Variants in SRCAP observed in about 807,000 individuals in gnomAD.
SRCAP encodes the protein Snf2 related CREBBP activator protein, also known as chromatin remodeling protein SRCAP.
Under a neutral mutation model 263.1 loss-of-function variants are expected in SRCAP, and 46 were observed. That is an observed-to-expected ratio of 0.17 (90% CI 0.14 to 0.22). The LOEUF is 0.22. SRCAP is among the 10% of genes least tolerant of loss of function. The pLI, the probability that SRCAP is intolerant of heterozygous loss-of-function variation, is 1.00. For missense variants in SRCAP, 3,695 were observed against 4,181.9 expected (o/e 0.88, Z 3.21); for synonymous variants, 1,813 against 1,662.1 (o/e 1.09, Z -2.21).
At position 30,733,499 on chromosome 16, in the gene SRCAP, C is replaced by A; in HGVS notation, c.6297+50C>A. ...AGAGGCTCACCTCCGCTTCTCTCTCCTTTTCCCAGGATTTGGGCTTCCAGA... is the reference window on the plus strand; with the variant it reads ...AGAGGCTCACCTCCGCTTCTCTCTCATTTTCCCAGGATTTGGGCTTCCAGA... On this transcript the variant is annotated intron_variant, in intron 28 of 33. Transcript: ENST00000262518. The surrounding 1 kb of genome is among the most constrained non-coding windows in gnomAD (Gnocchi z 5.3). 1 of 1,609,924 alleles carries A rather than the reference C, an allele frequency of 6.2e-7. No individual in the cohort carries two copies.
chr16:30,706,069 T>G (rs2052824240), intron 4 of SRCAP, among the ~76,000 whole-genome samples: 1 of 152,190 alleles, frequency 6.6e-6, no homozygotes, highest in Non-Finnish European at 1.5e-5. Context: ...ATCCACGTCT[T>G]TCTTGATGTT....
intron 24 of SRCAP, 42 bp downstream of exon 24, chr16:30,723,271 G>C: frequency 6.4e-7 from 1 of 1,562,264 alleles, no homozygotes; most frequent in Non-Finnish European, 8.7e-7. Context: ...TGCCAGGAAT[G>C]GAGACGAGAT....
Position 30,739,603 on chromosome 16 carries a change from G to GCCGA in SRCAP, c.9565_9568dup (p.Arg3190ProfsTer34). 1 of 1,595,554 alleles carries GCCGA rather than the reference G, an allele frequency of 6.3e-7. No homozygotes were observed. Among genetic ancestry groups the GCCGA allele is most frequent in the African/African-American group, 1.3e-5 (1 of 74,522 alleles). On this transcript the variant is annotated frameshift_variant, in exon 34 of 34. Transcript: ENST00000262518. ...GAGGAGGAAGGGGATGGGACCCCACGCCGACGTCCTGGCCCCCGCCGGCTT... is the reference window on the plus strand; with the variant it reads ...GAGGAGGAAGGGGATGGGACCCCACGCCGACCGACGTCCTGGCCCCCGCCGGCTT...
At chr16:30,706,775 T>C (rs143657782) in intron 4 of SRCAP, among the ~76,000 whole-genome samples, 13 of 152,142 alleles carry the variant, frequency 8.5e-5, no homozygotes, top group Non-Finnish European at 1.5e-4. Flanking sequence ...GTATCTAGAA[T>C]CAAGAGGGAA....
In SRCAP at chr16:30,704,219, C is replaced by T. The variant is rs1161237874; in HGVS notation, c.210C>T (p.Pro70=). 4 of 1,614,138 alleles carry T rather than the reference C, an allele frequency of 2.5e-6. No homozygotes were observed. The highest frequency in any genetic ancestry group is 3.3e-4 in the Middle Eastern group (2 of 6,062). The change falls in exon 4 of 34, where the codon CCC becomes CCT. Residue 70 remains proline, a synonymous_variant. Transcript: ENST00000262518. Reference sequence around the variant, plus strand: ...GCCCCCCAGATGGTGCCACAGTGCCCCTGGAGGGGTTCAGCTTATCCCAGG... The same window carrying T: ...GCCCCCCAGATGGTGCCACAGTGCCTCTGGAGGGGTTCAGCTTATCCCAGG... ...PPGPPDGATV[P]LEGFSLSQAA... is the part of the protein sequence containing the mutation.
rs1380041850 is a variant in SRCAP at position 30,709,538 on chromosome 16, G to T, written c.659G>T (p.Arg220Leu). The T allele has an allele frequency of 6.2e-7, 1 of 1,613,998 alleles. No homozygotes were observed. The highest frequency in any genetic ancestry group is 1.7e-5 in the Admixed American group (1 of 59,996). Residue 220 changes from arginine to leucine, a missense_variant, in exon 7 of 34, where the codon CGG becomes CTG. Physicochemically the swap from Arg to Leu is moderately radical, Grantham distance 102. Transcript: ENST00000262518. ...EKVVQFKQQS[R>L]LEEKRKKALD... ...GTGGTGCAATTCAAGCAACAGTCCC[G>T]GCTTGAGGAAAAGCGCAAAAAAGCC...
chr16:30,739,294 T>C lies in SRCAP; in HGVS notation c.9254T>C (p.Met3085Thr), dbSNP rs1285501627. The change falls in exon 34 of 34, where the codon ATG (methionine) becomes ACG (threonine). Residue 3085 changes from methionine to threonine, a missense_variant. By Grantham distance (81) the Met-to-Thr change is moderately conservative. Coordinates refer to ENST00000262518, the MANE Select transcript of SRCAP (RefSeq NM_006662.3). ...GMRGRKSGGS[M>T]VVAVIQDDLD... ...CGAGGACGGAAGAGTGGAGGGTCCATGGTGGTGGCTGTAATTCAGGATGAC... is the reference window on the plus strand; with the variant it reads ...CGAGGACGGAAGAGTGGAGGGTCCACGGTGGTGGCTGTAATTCAGGATGAC... 3 of 1,614,000 alleles carry C rather than the reference T, an allele frequency of 1.9e-6. No individual in the cohort carries two copies. The highest frequency in any genetic ancestry group is 2.5e-6 in the Non-Finnish European group (3 of 1,180,026).
intron 6 of SRCAP, among the ~76,000 whole-genome samples, chr16:30,708,824 G>GT (rs59905824): frequency 6.6e-6 from 1 of 151,672 alleles, no homozygotes; most frequent in African/African-American, 2.4e-5. Flanking sequence ...TCACCTACCT[G>GT]TTTTTTTGTT....
At chr16:30,735,136 A>ATT (rs10532453) in intron 31 of SRCAP, among the ~76,000 whole-genome samples, 12 of 106,500 alleles carry the variant, frequency 1.1e-4, no homozygotes, top group African/African-American at 4.8e-4. Context: ...AGTACAAAGC[A>ATT]TTTTTTTTTT....
At chr16:30,711,538 A>G (rs2052891164) in intron 10 of SRCAP, 33 bp from the exon 11 acceptor site, 1 of 1,552,094 alleles carries the variant, frequency 6.4e-7, no homozygotes. Flanking sequence ...CCCTCCCCTC[A>G]GAGCAACCAA....
chr16:30,700,800 C>T lies in SRCAP; in HGVS notation c.-25C>T. The T allele has an allele frequency of 6.2e-7, 1 of 1,612,570 alleles. No individual in the cohort carries two copies. Among genetic ancestry groups the T allele is most frequent in the South Asian group, 1.1e-5 (1 of 90,988 alleles). ...ACAACCCAGTCATTCTTCAGGCATC[C>T]AAGGGGGAGCCTGGGAGTGGGACCA... On this transcript the variant is annotated 5_prime_UTR_variant, in exon 3 of 34. Transcript: ENST00000262518.
chr16:30,725,041 C>G lies in SRCAP; in HGVS notation c.5617C>G (p.Arg1873Gly), dbSNP rs766102471. 6.2e-7 allele frequency: 1 copy of G among 1,613,060 alleles called. No individual in the cohort carries two copies. Among genetic ancestry groups the G allele is most frequent in the Admixed American group, 1.7e-5 (1 of 59,980 alleles). ...TACCTCGTTTGGTGGCCCCCGGCCT[C>G]GACGCCAGCCCCCCCCACCACCTCG... ...TATSFGGPRP[R>G]RQPPPPPRSP... Residue 1873 changes from arginine to glycine, a missense_variant, in exon 25 of 34, where the codon CGA becomes GGA. Arg to Gly is a moderately radical substitution (Grantham distance 125). Around this residue, in one of 12 missense-constraint regions of SRCAP, gnomAD observed 1,347 missense variants for 1,304.4 expected, o/e 1.03. Coordinates refer to ENST00000262518, the MANE Select transcript of SRCAP (RefSeq NM_006662.3).
rs775900363 is a variant in SRCAP at position 30,737,103 on chromosome 16, C to T, written c.7063C>T (p.Arg2355Cys). ...GGACCAAGCCAAGGAGGAGGTGTTC[C>T]GCCTACCCCAAGAGGAGGAGGAGGG... The part of the protein sequence containing the change: ...DLDQAKEEVF[R>C]LPQEEEEGPG... Residue 2355 changes from arginine to cysteine, a missense_variant, in exon 34 of 34, where the codon CGC becomes TGC. Coordinates refer to ENST00000262518, the MANE Select transcript of SRCAP (RefSeq NM_006662.3). 4 of 1,611,922 alleles carry T rather than the reference C, an allele frequency of 2.5e-6. No individual in the cohort carries two copies. The highest frequency in any genetic ancestry group is 2.2e-5 in the South Asian group (2 of 90,958).
chr16:30,703,862 A>G (rs1024568759), intron 3 of SRCAP, among the ~76,000 whole-genome samples: 1 of 152,058 alleles, frequency 6.6e-6, no homozygotes, highest in Non-Finnish European at 1.5e-5. Context: ...GCGCCACTGC[A>G]CTCCAGCCTG....
intron 1 of SRCAP, among the ~76,000 whole-genome samples, chr16:30,699,699 G>A (rs1311864541): frequency 6.6e-6 from 1 of 151,268 alleles, no homozygotes; most frequent in Non-Finnish European, 1.5e-5. Context: ...TAAAATTTTT[G>A]AACTTTCTTT....
Position 30,717,596 on chromosome 16 carries a change from G to A in SRCAP, c.2817+1117G>A, listed in dbSNP as rs190116435. Among the ~76,000 whole-genome samples the A allele has an allele frequency of 3.7e-3, 530 of 142,754 alleles. 2 individuals are homozygous for A. Among genetic ancestry groups the A allele is most frequent in the African/African-American group, 0.013 (505 of 38,640 alleles). 93.7% of individuals were successfully genotyped at this position (142,754 alleles called of 152,430 possible). ...CAACTAGCTGGGACCACGGGTATGC[G>A]CTACCAAGCCTGGCTTTTTTTTTTT... On this transcript the variant is annotated intron_variant, in intron 18 of 33. Transcript: ENST00000262518.
chr16:30,725,106 G>A (rs1341917515), intron 25 of SRCAP, 24 bp downstream of exon 25: 1 of 1,576,694 alleles, frequency 6.3e-7, no homozygotes, highest in Non-Finnish European at 8.6e-7. Context: ...CCTCAAGAGG[G>A]AACAGGAAGT....
At position 30,733,749 on chromosome 16, in the gene SRCAP, C is replaced by G; in HGVS notation, c.6445C>G (p.Gln2149Glu). The G allele has an allele frequency of 1.2e-6, 2 of 1,614,176 alleles. No individual in the cohort carries two copies. The highest frequency in any genetic ancestry group is 1.3e-5 in the African/African-American group (1 of 75,044). ...GAATCCCACCATGGATGCTCAGGCCCAGGACCGCTGTCACCGAATTGGCCA... is the reference window on the plus strand; with the variant it reads ...GAATCCCACCATGGATGCTCAGGCCGAGGACCGCTGTCACCGAATTGGCCA... ...DWNPTMDAQA[Q>E]DRCHRIGQTR... The change falls in exon 29 of 34, where the codon CAG becomes GAG. Residue 2149 changes from glutamine (Q) to glutamate (E), a missense_variant. Around this residue, in one of 12 missense-constraint regions of SRCAP, gnomAD observed 138 missense variants for 254.9 expected, o/e 0.54. Transcript: ENST00000262518. This position sits in a 1 kb window ranked among gnomAD's most constrained non-coding sequence, Gnocchi z 5.3.
In SRCAP at chr16:30,736,573, C is replaced by A. The variant is rs2053162491; in HGVS notation, c.6957C>A (p.Phe2319Leu). 6.2e-7 allele frequency: 1 copy of A among 1,614,098 alleles called. No individual in the cohort carries two copies. The highest frequency in any genetic ancestry group is 8.5e-7 in the Non-Finnish European group (1 of 1,180,050). The change falls in exon 33 of 34, where the codon TTC (phenylalanine) becomes TTA (leucine). Residue 2319 changes from phenylalanine to leucine, a missense_variant. By Grantham distance (22) the Phe-to-Leu change is conservative. Coordinates refer to ENST00000262518, the MANE Select transcript of SRCAP (RefSeq NM_006662.3). ...CCATTGAGCGCTATGCCATGAAATT[C>A]CTGGAGGCCTCACTGGAGGAGGTGA... ...LTPIERYAMK[F>L]LEASLEEVSR...
Sources: gnomAD v4.1 joint callset for allele counts (sites outside exome capture counted in the v4.1 genomes callset) on GRCh38, gnomAD v4.1.1 for gene constraint, gnomAD v4.1.1 regional missense constraint, Gnocchi (gnomAD v3.1) non-coding constraint, MANE v1.5 for transcripts, NCBI Gene and HGNC (gene_info 2026-07-23, HGNC 2026-07-21) for gene names.